Variants in KLF8 observed in about 807,000 individuals in gnomAD.
KLF8 encodes the protein Krueppel-like factor 8.
In KLF8, 10 loss-of-function variants were observed where a neutral mutation model predicts 18.2. The ratio of observed to expected loss-of-function variants is 0.55; its 90% CI spans 0.34 to 0.93. The LOEUF is 0.93. KLF8 is among the 40% of genes least tolerant of loss of function. KLF8 has a pLI of 0.02. For synonymous variants in KLF8, 109 were observed against 97.3 expected (o/e 1.12, Z -0.71); for missense variants, 264 against 277.9 (o/e 0.95, Z 0.36).
the KLF8 span, among the ~76,000 whole-genome samples, chrX:55,957,471 T>C: frequency 1.8e-5 from 2 of 112,079 alleles, no homozygotes; most frequent in African/African-American, 6.5e-5. Flanking sequence ...ATCTGTAGAT[T>C]GCTTTGAGTA....
At chrX:56,203,985 A>G in the KLF8 span, among the ~76,000 whole-genome samples, 1 of 111,320 alleles carries the variant, frequency 9.0e-6, no homozygotes, top group East Asian at 2.8e-4. Flanking sequence ...TTTAATAGGA[A>G]TAGAGTTGAA....
the KLF8 span, among the ~76,000 whole-genome samples, chrX:56,026,606 A>G: frequency 0.21 from 23,047 of 111,192 alleles, 4,909 homozygotes; most frequent in African/African-American, 0.65. Context: ...CCACTTTTCC[A>G]GAACTCTGAG....
At chrX:55,972,822 A>G in the KLF8 span, among the ~76,000 whole-genome samples, 1 of 112,167 alleles carries the variant, frequency 8.9e-6, no homozygotes, top group Non-Finnish European at 1.9e-5. Flanking sequence ...TTCTATTTCT[A>G]TGAAACTAAC....
At chrX:56,191,780 C>T in the KLF8 span, among the ~76,000 whole-genome samples, 2 of 111,115 alleles carry the variant, frequency 1.8e-5, no homozygotes, top group East Asian at 5.6e-4. Flanking sequence ...TTCAACATAA[C>T]TTTATGTTAA....
At chrX:55,978,315 TAC>T in the KLF8 span, among the ~76,000 whole-genome samples, 5 of 111,721 alleles carry the variant, frequency 4.5e-5, no homozygotes, top group South Asian at 1.9e-3. Flanking sequence ...TCTGCAGACA[TAC>T]AGACATATGT....
chrX:56,194,502 G>A, the KLF8 span, among the ~76,000 whole-genome samples: 1 of 112,160 alleles, frequency 8.9e-6, no homozygotes, highest in African/African-American at 3.2e-5. Flanking sequence ...CAGCCTGACT[G>A]GGGGAGGGGT....
At chrX:56,166,686 T>C in the KLF8 span, among the ~76,000 whole-genome samples, 1 of 112,115 alleles carries the variant, frequency 8.9e-6, no homozygotes, top group Admixed American at 9.5e-5. Context: ...GGCTCTTTAG[T>C]GTCCCAAGAT....
chrX:56,222,363 G>C, the KLF8 span, among the ~76,000 whole-genome samples: 7 of 110,035 alleles, frequency 6.4e-5, no homozygotes, highest in African/African-American at 2.3e-4. Flanking sequence ...CACCAGATTC[G>C]CTAGATACAG....
the KLF8 span, among the ~76,000 whole-genome samples, chrX:56,107,735 C>G: frequency 9.0e-6 from 1 of 111,331 alleles, no homozygotes; most frequent in South Asian, 3.8e-4. Context: ...CACCCACAGT[C>G]CCAACAAGTC....
At chrX:56,057,169 G>T in the KLF8 span, among the ~76,000 whole-genome samples, 1 of 111,790 alleles carries the variant, frequency 8.9e-6, no homozygotes, top group African/African-American at 3.3e-5. Context: ...TCTGGGGGGC[G>T]TAGGTCTGTG....
chrX:55,944,869 C>T, the KLF8 span, among the ~76,000 whole-genome samples: 8 of 110,978 alleles, frequency 7.2e-5, no homozygotes, highest in Non-Finnish European at 1.1e-4. Context: ...TTGCCTTCTG[C>T]TAGCTTTTGA....
At chrX:56,090,732 A>G in the KLF8 span, among the ~76,000 whole-genome samples, 1 of 111,773 alleles carries the variant, frequency 8.9e-6, no homozygotes, top group African/African-American at 3.3e-5. Flanking sequence ...AGGTCTGAAT[A>G]GTGAACACTG....
the KLF8 span, among the ~76,000 whole-genome samples, chrX:56,149,807 C>T: frequency 9.0e-6 from 1 of 110,733 alleles, no homozygotes; most frequent in East Asian, 2.8e-4. Flanking sequence ...TCAAATCTCA[C>T]TAACCCCTTA....
chrX:55,992,705 T>C, the KLF8 span, among the ~76,000 whole-genome samples: 9 of 112,465 alleles, frequency 8.0e-5, no homozygotes, highest in Admixed American at 4.7e-4. Context: ...GCCATTTTAA[T>C]AATACTGATT....
the KLF8 span, among the ~76,000 whole-genome samples, chrX:56,085,636 T>C: frequency 1.8e-5 from 2 of 112,186 alleles, no homozygotes; most frequent in Admixed American, 9.5e-5. Flanking sequence ...GAAATAATGT[T>C]TAACTAGAAA....
intron 1 of KLF8, among the ~76,000 whole-genome samples, chrX:56,235,656 T>A (rs748065225): frequency 6.3e-5 from 7 of 110,776 alleles, no homozygotes; most frequent in Non-Finnish European, 1.1e-4. Context: ...CCTCAGGTGA[T>A]CCATCCACCT....
At chrX:56,016,287 G>A in the KLF8 span, among the ~76,000 whole-genome samples, 1 of 112,307 alleles carries the variant, frequency 8.9e-6, no homozygotes, top group South Asian at 3.6e-4. Flanking sequence ...CACAGAGTGA[G>A]TATTCAGCAC....
chrX:56,261,844 A>T (rs1307263248), intron 2 of KLF8, among the ~76,000 whole-genome samples: 1 of 111,811 alleles, frequency 8.9e-6, no homozygotes, highest in Non-Finnish European at 1.9e-5. Context: ...TAGTGTGTAG[A>T]TATGGAATGC....
At position 56,288,921 on chromosome X, in the gene KLF8, CT is replaced by C. The variant is rs1210472956; in HGVS notation, c.*4428del. Among the ~76,000 whole-genome samples the C allele has an allele frequency of 1.8e-5, 2 of 111,973 alleles. No homozygotes were observed. The highest frequency in any genetic ancestry group is 3.8e-5 in the Non-Finnish European group (2 of 53,193). ...AAATAGTTGTTGTCAGGTTTCTCCC[CT>C]GTACTCTTTTTTTCCTCCCCTCCAT... On this transcript the variant is annotated 3_prime_UTR_variant, in exon 6 of 6. Coordinates refer to ENST00000468660, the MANE Select transcript of KLF8 (RefSeq NM_007250.5).
Sources: gnomAD v4.1 joint callset for allele counts (sites outside exome capture counted in the v4.1 genomes callset) on GRCh38, gnomAD v4.1.1 for gene constraint, MANE v1.5 for transcripts, NCBI Gene and HGNC (gene_info 2026-07-23, HGNC 2026-07-21) for gene names.